The following CDH13 variants were observed in gnomAD, a reference collection of about 807,000 sequenced individuals.
The protein encoded by CDH13 is cadherin 13.
In CDH13, 24 loss-of-function variants were observed where a neutral mutation model predicts 63.8. The ratio of observed to expected loss-of-function variants is 0.38; its 90% confidence interval spans 0.27 to 0.53. CDH13 has a LOEUF of 0.53. Among genes scored for constraint, CDH13 ranks in the 20% least tolerant of loss-of-function variants. The pLI is 0.85. For missense variants in CDH13, 1,049 were observed against 903.1 expected (o/e 1.16, Z -2.07); for synonymous variants, 503 against 355.3 (o/e 1.42, Z -4.67).
intron 5 of CDH13, among the ~76,000 whole-genome samples, chr16:83,306,007 G>T (rs1448150812): frequency 1.3e-5 from 2 of 152,158 alleles, no homozygotes; most frequent in African/African-American, 2.4e-5. Context: ...ATTTGAGGCT[G>T]CCCTGTGCAC....
chr16:83,671,880 G>T (rs1311967467), intron 9 of CDH13, among the ~76,000 whole-genome samples: 1 of 152,218 alleles, frequency 6.6e-6, no homozygotes, highest in Non-Finnish European at 1.5e-5. Flanking sequence ...TAGCACAGAA[G>T]GCTTGCTACA....
chr16:83,415,860 C>G (rs2151463339), intron 6 of CDH13, among the ~76,000 whole-genome samples: 1 of 152,282 alleles, frequency 6.6e-6, no homozygotes, highest in South Asian at 2.1e-4. Context: ...GGGATACTCA[C>G]TGTCACCAGT....
intron 5 of CDH13, among the ~76,000 whole-genome samples, chr16:83,278,499 C>T (rs1342900052): frequency 6.6e-6 from 1 of 152,124 alleles, no homozygotes; most frequent in Non-Finnish European, 1.5e-5. Flanking sequence ...GTGAAGAATC[C>T]CGTTATAGTT....
At chr16:83,612,078 C>G (rs941434211) in intron 8 of CDH13, among the ~76,000 whole-genome samples, 2 of 152,012 alleles carry the variant, frequency 1.3e-5, no homozygotes, top group Non-Finnish European at 2.9e-5. Flanking sequence ...TTTTATTAAT[C>G]TGCTTATTGT....
At chr16:83,229,760 C>T (rs1017566504) in intron 5 of CDH13, among the ~76,000 whole-genome samples, 1 of 152,096 alleles carries the variant, frequency 6.6e-6, no homozygotes, top group Non-Finnish European at 1.5e-5. Context: ...GTTGGAAAGC[C>T]TGCAGGCCCA....
chr16:83,785,940 A>G (rs1200440043), intron 13 of CDH13, among the ~76,000 whole-genome samples: 1 of 152,088 alleles, frequency 6.6e-6, no homozygotes, highest in Non-Finnish European at 1.5e-5. Flanking sequence ...CCCCACCCTA[A>G]AGACGTGCTG....
intron 11 of CDH13, among the ~76,000 whole-genome samples, chr16:83,768,014 T>C (rs1192671488): frequency 1.3e-5 from 2 of 152,182 alleles, no homozygotes; most frequent in Non-Finnish European, 1.5e-5. Context: ...GAAAAAAATA[T>C]TTTTAATCCC....
intron 6 of CDH13, among the ~76,000 whole-genome samples, chr16:83,346,746 C>T (rs1398388354): frequency 1.3e-5 from 2 of 152,074 alleles, no homozygotes; most frequent in Non-Finnish European, 1.5e-5. Context: ...TCTTTTTGCA[C>T]ATTGAATTCT....
At chr16:82,735,425 A>G (rs16958374) in intron 1 of CDH13, among the ~76,000 whole-genome samples, 9,252 of 152,276 alleles carry the variant, frequency 0.061, 302 homozygotes, top group Non-Finnish European at 0.068. Context: ...TTGTGTTGCT[A>G]AACTTGGCAT....
chr16:82,633,998 C>G (rs1908344215), intron 1 of CDH13, among the ~76,000 whole-genome samples: 1 of 152,222 alleles, frequency 6.6e-6, no homozygotes, highest in Non-Finnish European at 1.5e-5. Context: ...TTCTAGAAAA[C>G]TAACATTAAC....
At chr16:83,263,187 T>A (rs577766191) in intron 5 of CDH13, among the ~76,000 whole-genome samples, 1 of 152,316 alleles carries the variant, frequency 6.6e-6, no homozygotes, top group African/African-American at 2.4e-5. Flanking sequence ...TTTTTAGGAA[T>A]CAAGTGATAC....
chr16:83,229,072 C>T (rs914013616), intron 5 of CDH13, among the ~76,000 whole-genome samples: 3 of 152,108 alleles, frequency 2.0e-5, no homozygotes, highest in African/African-American at 7.2e-5. Context: ...GAGGGCAGGC[C>T]ATACCGGGCC....
intron 5 of CDH13, among the ~76,000 whole-genome samples, chr16:83,249,679 T>C (rs1269241172): frequency 3.3e-5 from 5 of 152,154 alleles, no homozygotes; most frequent in Admixed American, 2.0e-4. Context: ...GCTGGGGGTA[T>C]TTTTCCCCAT....
Position 83,056,715 on chromosome 16 carries a change from C to G in CDH13, c.366+24497C>G, listed in dbSNP as rs2030982267. ...TCTTGAAGTGCAGCTCCCATAATCC[C>G]CACATGTCACGGGAGGGATCCAGTG... On this transcript the variant is annotated intron_variant, in intron 3 of 13. Coordinates refer to ENST00000567109, the MANE Select transcript of CDH13 (RefSeq NM_001257.5). Among the ~76,000 whole-genome samples, 3 of 152,156 alleles carry G rather than the reference C, an allele frequency of 2.0e-5. No homozygotes were observed. In the South Asian group the frequency reaches 6.2e-4, roughly 32 times the overall value.
At chr16:83,765,629 A>G (rs1296025108) in intron 11 of CDH13, among the ~76,000 whole-genome samples, 1 of 152,204 alleles carries the variant, frequency 6.6e-6, no homozygotes, top group Non-Finnish European at 1.5e-5. Context: ...GCAAAGCAAT[A>G]AAACTGATCT....
chr16:82,830,238 T>C (rs1366376214), intron 1 of CDH13, among the ~76,000 whole-genome samples: 1 of 152,200 alleles, frequency 6.6e-6, no homozygotes, highest in East Asian at 1.9e-4. Context: ...GGAGGACACT[T>C]GGTACTTATC....
chr16:83,376,980 C>G (rs972704571), intron 6 of CDH13, among the ~76,000 whole-genome samples: 1 of 152,070 alleles, frequency 6.6e-6, no homozygotes, highest in African/African-American at 2.4e-5. Context: ...ATGAAAGGGC[C>G]TTGAAGGATG....
At chr16:83,164,737 A>AAAAAAT (rs1174388593) in intron 4 of CDH13, among the ~76,000 whole-genome samples, 8 of 151,872 alleles carry the variant, frequency 5.3e-5, no homozygotes, top group African/African-American at 1.9e-4. Context: ...AGAAAAAAAA[A>AAAAAAT]ATCATCGTTT....
In CDH13 at chr16:83,325,282, G is replaced by A. The variant is rs571819546; in HGVS notation, c.637-19580G>A. ...GGGGCACCTTATCTATCTGTTGAAT[G>A]AATAAATAACAATGAGAGAGGGGGA... On this transcript the variant is annotated intron_variant, in intron 5 of 13. Coordinates refer to ENST00000567109, the MANE Select transcript of CDH13 (RefSeq NM_001257.5). Among the ~76,000 whole-genome samples, 3 of 152,264 alleles carry A rather than the reference G, an allele frequency of 2.0e-5. No individual in the cohort carries two copies. In the South Asian group the frequency reaches 6.2e-4, roughly 32 times the overall value.
Sources: allele counts gnomAD v4.1 joint callset (sites outside exome capture counted in the v4.1 genomes callset), GRCh38; gene constraint gnomAD v4.1.1; transcripts MANE v1.5; gene names NCBI Gene and HGNC (gene_info 2026-07-23, HGNC 2026-07-21).